The following ZNF516 variants were observed in gnomAD, a reference collection of about 807,000 sequenced individuals.
The protein encoded by ZNF516 is zinc finger protein 516.
In ZNF516, 19 loss-of-function variants were observed where a neutral mutation model predicts 79.7. The ratio of observed to expected loss-of-function variants is 0.24; its 90% confidence interval spans 0.17 to 0.35. The LOEUF (loss-of-function observed/expected upper bound fraction) is 0.35, where lower values mean the gene tolerates loss of function less well. ZNF516 is among the 10% of genes least tolerant of loss of function. The pLI is 1.00. For missense variants in ZNF516, 1,678 were observed against 1,679.5 expected (o/e 1.00, Z 0.02); for synonymous variants, 877 against 739.5 (o/e 1.19, Z -3.02).
At position 76,358,843 on chromosome 18, in the gene ZNF516, A is replaced by C. The variant is rs2074492437; in HGVS notation, c.*3655T>G. The C allele has an allele frequency of 6.6e-6, 1 of 152,300 alleles. No homozygotes were observed. Among genetic ancestry groups the C allele is most frequent in the Non-Finnish European group, 1.5e-5 (1 of 68,132 alleles). 9.4% of individuals were successfully genotyped at this position (152,300 alleles called of 1,614,324 possible). ...AAGCCCAGGAGGTGCCCTCTTCCAC[A>C]CAACAGACTAAGCACTACACCCACT... is the stretch of plus-strand genomic sequence containing the variant. On this transcript the variant is annotated 3_prime_UTR_variant, in exon 7 of 7. Coordinates refer to ENST00000443185, the MANE Select transcript of ZNF516 (RefSeq NM_014643.4).
intron 3 of ZNF516, among the ~76,000 whole-genome samples, chr18:76,381,889 T>C (rs1286634260): frequency 2.0e-5 from 3 of 152,172 alleles, no homozygotes; most frequent in African/African-American, 7.2e-5. Flanking sequence ...CCCAGCACTA[T>C]GGGGGGCCGA....
chr18:76,483,284 G>T (rs1228259419), intron 1 of ZNF516, among the ~76,000 whole-genome samples: 2 of 152,122 alleles, frequency 1.3e-5, no homozygotes. Context: ...CTGACCATTG[G>T]AAAGAAAGGA....
At chr18:76,402,948 C>T (rs548508440) in intron 3 of ZNF516, among the ~76,000 whole-genome samples, 5 of 152,234 alleles carry the variant, frequency 3.3e-5, no homozygotes, top group African/African-American at 7.2e-5. Context: ...CGAAGCTAGT[C>T]GAAGCTACAG....
chr18:76,395,425 T>G (rs1050311033), intron 3 of ZNF516, among the ~76,000 whole-genome samples: 57 of 152,272 alleles, frequency 3.7e-4, no homozygotes, highest in African/African-American at 1.3e-3. Flanking sequence ...TCATTTAATA[T>G]CCAAGACTCA....
At chr18:76,378,778 C>T (rs1039660760) in intron 4 of ZNF516, 77 bp downstream of exon 4, 57 of 1,518,514 alleles carry the variant, frequency 3.8e-5, no homozygotes, top group Admixed American at 2.8e-4. Context: ...CAGGCAGGTG[C>T]GCAGCAGCCC....
chr18:76,494,354 T>C (rs1185416204), intron 1 of ZNF516, among the ~76,000 whole-genome samples: 3 of 126,504 alleles, frequency 2.4e-5, no homozygotes, highest in East Asian at 2.8e-4. Context: ...TACACCCGGG[T>C]TCATCTCGCC....
chr18:76,491,075 A>C (rs916007484), intron 1 of ZNF516: 3 of 985,170 alleles, frequency 3.0e-6, no homozygotes, highest in Non-Finnish European at 1.2e-6. Context: ...GTGAACACTT[A>C]TGTAATCGTC....
At chr18:76,456,840 T>C (rs2145643181) in intron 2 of ZNF516, among the ~76,000 whole-genome samples, 1 of 152,354 alleles carries the variant, frequency 6.6e-6, no homozygotes, top group Admixed American at 6.5e-5. Context: ...CATGCAAACA[T>C]ATAATACTGC....
intron 3 of ZNF516, among the ~76,000 whole-genome samples, chr18:76,427,446 T>C (rs1599071867): frequency 6.6e-6 from 1 of 152,348 alleles, no homozygotes. Flanking sequence ...ATAAATTTTG[T>C]TGGAAAAACC....
intron 3 of ZNF516, among the ~76,000 whole-genome samples, chr18:76,384,273 C>G (rs1346207855): frequency 6.7e-6 from 1 of 149,052 alleles, no homozygotes; most frequent in Non-Finnish European, 1.5e-5. Flanking sequence ...ACGGCCCCCA[C>G]GCCCCCACCA....
At chr18:76,469,304 A>G (rs919445168) in intron 1 of ZNF516, among the ~76,000 whole-genome samples, 1 of 152,230 alleles carries the variant, frequency 6.6e-6, no homozygotes. Context: ...TATTTTTTAT[A>G]TTACTAAAAA....
intron 3 of ZNF516, among the ~76,000 whole-genome samples, chr18:76,398,705 C>T (rs1239716672): frequency 6.6e-6 from 1 of 152,194 alleles, no homozygotes; most frequent in Non-Finnish European, 1.5e-5. Context: ...TTCTCCTACA[C>T]AAAGTGTTTT....
intron 3 of ZNF516, among the ~76,000 whole-genome samples, chr18:76,390,130 A>G (rs1345572341): frequency 6.6e-6 from 1 of 152,172 alleles, no homozygotes; most frequent in East Asian, 1.9e-4. Context: ...GGTCCCTCAG[A>G]GTGAATCTAT....
At chr18:76,426,798 A>G (rs533577063) in intron 3 of ZNF516, among the ~76,000 whole-genome samples, 22 of 152,340 alleles carry the variant, frequency 1.4e-4, no homozygotes, top group African/African-American at 4.1e-4. Flanking sequence ...ATGAAGAAAA[A>G]GCTAGGGAGC....
chr18:76,401,298 T>C (rs964998034), intron 3 of ZNF516, among the ~76,000 whole-genome samples: 2 of 151,196 alleles, frequency 1.3e-5, no homozygotes, highest in African/African-American at 2.4e-5. Context: ...CAAGCCCCAA[T>C]TGAACAATGC....
intron 3 of ZNF516, among the ~76,000 whole-genome samples, chr18:76,380,967 A>G (rs1321202953): frequency 6.6e-6 from 1 of 151,904 alleles, no homozygotes; most frequent in African/African-American, 2.4e-5. Context: ...CACGCTATCC[A>G]CCTCCATGCC....
chr18:76,475,707 C>A (rs970431939), intron 1 of ZNF516, among the ~76,000 whole-genome samples: 3 of 152,162 alleles, frequency 2.0e-5, no homozygotes, highest in African/African-American at 7.2e-5. Context: ...TCTGGCCACA[C>A]TGGGCACTGG....
intron 3 of ZNF516, among the ~76,000 whole-genome samples, chr18:76,404,277 G>A (rs1372255647): frequency 6.6e-6 from 1 of 152,270 alleles, no homozygotes; most frequent in Non-Finnish European, 1.5e-5. Context: ...CACACGCCTG[G>A]GGGAGACGAC....
chr18:76,368,207 G>C (rs1023972060), intron 6 of ZNF516, among the ~76,000 whole-genome samples: 1 of 152,006 alleles, frequency 6.6e-6, no homozygotes, highest in African/African-American at 2.4e-5. Flanking sequence ...TAAGAACAAG[G>C]AACCCTAGGA....
Sources: allele counts gnomAD v4.1 joint callset (sites outside exome capture counted in the v4.1 genomes callset), GRCh38; gene constraint gnomAD v4.1.1; transcripts MANE v1.5; gene names NCBI Gene and HGNC (gene_info 2026-07-23, HGNC 2026-07-21).